Variants in SEMA3C observed in about 807,000 individuals in gnomAD.
SEMA3C encodes the protein semaphorin 3C.
Under a neutral mutation model 89.4 loss-of-function variants are expected in SEMA3C, and 47 were observed. That is an observed-to-expected ratio of 0.53 (90% CI 0.42 to 0.67). The LOEUF (loss-of-function observed/expected upper bound fraction) is 0.67. Ranked by LOEUF, SEMA3C falls within the 30% of genes least tolerant of loss-of-function variation. The probability of loss-of-function intolerance (pLI) is 0.00; values close to 1 mark genes in which losing one functional copy is unlikely to be tolerated. For synonymous variants in SEMA3C, 310 were observed against 320.2 expected, an observed-to-expected ratio of 0.97 and a Z score of 0.34; for missense variants, 839 against 929.1, an observed-to-expected ratio of 0.90 and a Z score of 1.26.
At chr7:80,787,843 G>A (rs1430660685) in intron 12 of SEMA3C, among the ~76,000 whole-genome samples, 2 of 152,142 alleles carry the variant, frequency 1.3e-5, no homozygotes, top group Admixed American at 6.5e-5. Context: ...ATTCTGGGAA[G>A]GAAGGATTAT....
intron 9 of SEMA3C, among the ~76,000 whole-genome samples, chr7:80,801,898 A>G: frequency 6.6e-6 from 1 of 152,132 alleles, no homozygotes; most frequent in East Asian, 1.9e-4. Flanking sequence ...CAGAAGAACG[A>G]TATAGTTCAT....
At position 80,802,664 on chromosome 7, in the gene SEMA3C, C is replaced by A; in HGVS notation, c.916+1G>T. The A allele has an allele frequency of 6.2e-7, 1 of 1,605,486 alleles. No individual in the cohort carries two copies. Among genetic ancestry groups the A allele is most frequent in the Non-Finnish European group, 8.5e-7 (1 of 1,172,386 alleles). On this transcript the variant is annotated splice_donor_variant, in intron 9 of 17. Transcript: ENST00000265361. LOFTEE classifies it high-confidence loss of function. The stretch of plus-strand genomic sequence containing the variant: ...CATTTTTCAATCTCATATGTATGTA[C>A]CTAATTCATCAAAGTGTGTTTCTGG...
intron 2 of SEMA3C, among the ~76,000 whole-genome samples, chr7:80,913,362 T>C (rs759680358): frequency 4.2e-4 from 64 of 152,098 alleles, no homozygotes; most frequent in African/African-American, 7.2e-4. Context: ...GATCTCACCA[T>C]TGCACTCCAG....
chr7:80,822,086 T>C lies in SEMA3C; in HGVS notation c.328-3668A>G, dbSNP rs901575734. Among the ~76,000 whole-genome samples the C allele has an allele frequency of 7.2e-5, 11 of 152,210 alleles. 1 individual carries two copies. Among genetic ancestry groups the C allele is most frequent in the South Asian group, 2.1e-4 (1 of 4,834 alleles). ...TACTGCAATAGTGTCAATTCCATCC[T>C]GCAAATATGTGCTGAAGTCATTCTA... is the stretch of plus-strand genomic sequence containing the variant. On this transcript the variant is annotated intron_variant, in intron 4 of 17. Coordinates refer to ENST00000265361, the MANE Select transcript of SEMA3C (RefSeq NM_006379.5).
intron 15 of SEMA3C, among the ~76,000 whole-genome samples, chr7:80,754,188 C>T (rs911562102): frequency 1.3e-5 from 2 of 152,178 alleles, no homozygotes; most frequent in African/African-American, 2.4e-5. Context: ...CCGCCTGCCT[C>T]GGCCTCGCAA....
chr7:80,849,886 C>A (rs1583939424), intron 2 of SEMA3C, among the ~76,000 whole-genome samples: 1 of 151,988 alleles, frequency 6.6e-6, no homozygotes, highest in Non-Finnish European at 1.5e-5. Context: ...GAAAAGATTT[C>A]TAAGCACATA....
chr7:80,784,753 T>C (rs1788764419), intron 12 of SEMA3C, among the ~76,000 whole-genome samples: 1 of 152,210 alleles, frequency 6.6e-6, no homozygotes, highest in African/African-American at 2.4e-5. Context: ...TATATTTTAA[T>C]AAAACTTTCT....
In SEMA3C at chr7:80,805,633, T is replaced by C; in HGVS notation, c.658+6A>G. ...TAAAAAATAAATGCATCAAATGCTT[T>C]CTTACCACTTAGCCATTTGGAATTA... On this transcript the variant is annotated splice_donor_region_variant and intron_variant, in intron 7 of 17. Transcript: ENST00000265361. 2 of 1,594,490 alleles carry C rather than the reference T, an allele frequency of 1.3e-6. No individual in the cohort carries two copies. The highest frequency in any genetic ancestry group is 1.7e-6 in the Non-Finnish European group (2 of 1,171,680).
chr7:80,914,053 C>A (rs1207820918), intron 2 of SEMA3C, among the ~76,000 whole-genome samples: 1 of 152,042 alleles, frequency 6.6e-6, no homozygotes, highest in African/African-American at 2.4e-5. Flanking sequence ...AAAGTAATTA[C>A]GAGAGAATCT....
chr7:80,809,770 C>T (rs913159567), intron 6 of SEMA3C, among the ~76,000 whole-genome samples: 2 of 152,036 alleles, frequency 1.3e-5, no homozygotes, highest in Non-Finnish European at 2.9e-5. Context: ...GAATACTATA[C>T]AGCCTTAAAA....
chr7:80,831,258 C>T (rs1191577751), intron 2 of SEMA3C, among the ~76,000 whole-genome samples: 3 of 152,170 alleles, frequency 2.0e-5, no homozygotes, highest in Non-Finnish European at 4.4e-5. Flanking sequence ...TCTAGATGTA[C>T]TTGGCAAGGG....
intron 15 of SEMA3C, among the ~76,000 whole-genome samples, chr7:80,752,710 A>T (rs1288143634): frequency 6.6e-6 from 1 of 151,992 alleles, no homozygotes; most frequent in African/African-American, 2.4e-5. Context: ...TGAGTCTTAG[A>T]TTCACTAAGT....
intron 6 of SEMA3C, among the ~76,000 whole-genome samples, chr7:80,807,545 C>T (rs990626207): frequency 1.3e-5 from 2 of 152,134 alleles, no homozygotes; most frequent in African/African-American, 4.8e-5. Context: ...TGACCTTATG[C>T]AGAAATAAAC....
chr7:80,756,225 T>G (rs7456089), intron 15 of SEMA3C, among the ~76,000 whole-genome samples: 25,861 of 152,148 alleles, frequency 0.17, 3,035 homozygotes, highest in African/African-American at 0.32. Context: ...ATCCTAATGT[T>G]CAGTTCTGAC....
At chr7:80,793,658 T>C (rs1788995130) in intron 11 of SEMA3C, among the ~76,000 whole-genome samples, 1 of 152,078 alleles carries the variant, frequency 6.6e-6, no homozygotes. Flanking sequence ...GTGGAGAACT[T>C]ACAGCTGCCA....
chr7:80,861,518 C>G (rs943831291), intron 2 of SEMA3C, among the ~76,000 whole-genome samples: 16 of 152,078 alleles, frequency 1.1e-4, no homozygotes, highest in African/African-American at 3.6e-4. Context: ...GGCAATATGT[C>G]AAGTCAAACA....
At chr7:80,770,665 T>C (rs1383656464) in intron 12 of SEMA3C, among the ~76,000 whole-genome samples, 1 of 152,234 alleles carries the variant, frequency 6.6e-6, no homozygotes, top group African/African-American at 2.4e-5. Context: ...ATTTTCAGTC[T>C]ACCTGGTTAA....
At chr7:80,819,155 G>T (rs555931885) in intron 4 of SEMA3C, among the ~76,000 whole-genome samples, 1 of 151,598 alleles carries the variant, frequency 6.6e-6, no homozygotes, top group African/African-American at 2.4e-5. Context: ...ATATTATTTG[G>T]CAATACTTTG....
chr7:80,776,119 C>T (rs1431093904), intron 12 of SEMA3C, among the ~76,000 whole-genome samples: 1 of 152,066 alleles, frequency 6.6e-6, no homozygotes, highest in African/African-American at 2.4e-5. Flanking sequence ...AACTAATTTG[C>T]ATTGTTCCCT....
Sources: allele counts gnomAD v4.1 joint callset (sites outside exome capture counted in the v4.1 genomes callset), GRCh38; gene constraint gnomAD v4.1.1; transcripts MANE v1.5; gene names NCBI Gene and HGNC (gene_info 2026-07-23, HGNC 2026-07-21).